GPHN: variants seen among roughly 807,000 people sequenced by gnomAD.
GPHN encodes gephyrin.
GPHN carries 17 observed loss-of-function variants against 95.5 expected under a neutral mutation model. That is an observed-to-expected ratio of 0.18 (90% CI 0.12 to 0.27). The LOEUF (loss-of-function observed/expected upper bound fraction) is 0.27, where lower values mean the gene tolerates loss of function less well. Among genes scored for constraint, GPHN ranks in the 10% least tolerant of loss-of-function variants. The pLI, the probability that GPHN is intolerant of heterozygous loss-of-function variation, is 1.00. For synonymous variants in GPHN, 320 were observed against 322.5 expected (o/e 0.99, Z 0.08); for missense variants, 660 against 978.1 (o/e 0.67, Z 4.34).
At chr14:66,834,568 C>A (rs56111235) in intron 4 of GPHN, among the ~76,000 whole-genome samples, 1 of 150,742 alleles carries the variant, frequency 6.6e-6, no homozygotes, top group African/African-American at 2.4e-5. Context: ...TATTGATTTG[C>A]GTATATTGAA....
chr14:66,561,055 C>T (rs1194617508), intron 1 of GPHN, among the ~76,000 whole-genome samples: 5 of 152,204 alleles, frequency 3.3e-5, no homozygotes, highest in Middle Eastern at 3.4e-3. Context: ...TATTGATTTG[C>T]ATATGTTGAA....
chr14:67,549,379 T>TCCTG, the GPHN span, among the ~76,000 whole-genome samples: 5 of 151,976 alleles, frequency 3.3e-5, no homozygotes, highest in African/African-American at 1.2e-4. Flanking sequence ...CAAGAGATTC[T>TCCTG]CCTGCCTCAG....
chr14:67,382,702 C>G, the GPHN span: 2 of 1,260,226 alleles, frequency 1.6e-6, no homozygotes, highest in Admixed American at 1.7e-5. Context: ...GATGGTCATT[C>G]AGGCCTTTGA....
At chr14:66,766,174 T>G (rs1380049954) in intron 2 of GPHN, among the ~76,000 whole-genome samples, 1 of 152,216 alleles carries the variant, frequency 6.6e-6, no homozygotes, top group Non-Finnish European at 1.5e-5. Flanking sequence ...CTTTCTGTCA[T>G]TAGCCAACTT....
At chr14:67,019,615 G>A (rs2073496175) in intron 9 of GPHN, among the ~76,000 whole-genome samples, 1 of 152,070 alleles carries the variant, frequency 6.6e-6, no homozygotes, top group African/African-American at 2.4e-5. Context: ...TTCTTAACAC[G>A]GGTTTTATTT....
chr14:66,741,930 T>C (rs6573719), intron 2 of GPHN, among the ~76,000 whole-genome samples: 47,282 of 152,098 alleles, frequency 0.31, 11,171 homozygotes, highest in African/African-American at 0.64. Flanking sequence ...TCCACCTTAC[T>C]GTCCTTTCTC....
intron 2 of GPHN, among the ~76,000 whole-genome samples, chr14:66,758,819 T>C (rs2058662328): frequency 6.6e-6 from 1 of 152,152 alleles, no homozygotes; most frequent in Non-Finnish European, 1.5e-5. Context: ...AGAATTTTAC[T>C]TTACCCATCC....
the GPHN span, among the ~76,000 whole-genome samples, chr14:67,524,051 G>A: frequency 2.0e-5 from 3 of 152,212 alleles, no homozygotes; most frequent in African/African-American, 7.2e-5. Flanking sequence ...AAAGGAACTG[G>A]CCGCTCAGAG....
At chr14:67,713,018 A>G in the GPHN span, among the ~76,000 whole-genome samples, 1 of 152,134 alleles carries the variant, frequency 6.6e-6, no homozygotes, top group African/African-American at 2.4e-5. Flanking sequence ...GATTTGATCA[A>G]GTTGGATAGA....
At chr14:67,010,566 A>AAG (rs971541757) in intron 9 of GPHN, among the ~76,000 whole-genome samples, 1 of 151,428 alleles carries the variant, frequency 6.6e-6, no homozygotes, top group Non-Finnish European at 1.5e-5. Context: ...AAAAAAAAAA[A>AAG]AAAGAAAGAA....
the GPHN span, among the ~76,000 whole-genome samples, chr14:67,394,031 T>C: frequency 3.3e-5 from 5 of 152,200 alleles, no homozygotes; most frequent in African/African-American, 1.2e-4. Flanking sequence ...TGTCAGCCTC[T>C]TTCTCCTGCC....
chr14:67,525,593 T>A, the GPHN span, among the ~76,000 whole-genome samples: 1 of 152,216 alleles, frequency 6.6e-6, no homozygotes, highest in Admixed American at 6.5e-5. Context: ...CAACATGCCA[T>A]GTCAGCGAAA....
intron 2 of GPHN, among the ~76,000 whole-genome samples, chr14:66,738,929 G>A (rs565169006): frequency 2.2e-4 from 34 of 152,058 alleles, no homozygotes; most frequent in African/African-American, 8.0e-4. Flanking sequence ...CTATTATTAT[G>A]GATATATATT....
the GPHN span, among the ~76,000 whole-genome samples, chr14:67,405,896 C>G: frequency 9.2e-5 from 14 of 152,188 alleles, no homozygotes; most frequent in South Asian, 6.2e-4. Flanking sequence ...GACCCTGAGC[C>G]AGTCTTGCAG....
chr14:67,597,660 T>C, the GPHN span, among the ~76,000 whole-genome samples: 2 of 151,942 alleles, frequency 1.3e-5, no homozygotes, highest in Non-Finnish European at 2.9e-5. Flanking sequence ...GGAATACAAT[T>C]CAGCCCTGAC....
the GPHN span, among the ~76,000 whole-genome samples, chr14:67,187,266 G>T: frequency 6.6e-6 from 1 of 152,028 alleles, no homozygotes; most frequent in African/African-American, 2.4e-5. Context: ...GCTAACCAAG[G>T]GTTCCTGCAA....
In GPHN at chr14:67,181,610, C is replaced by A; in HGVS notation, c.*673C>A. 5.1e-6 allele frequency: 2 copies of A among 395,226 alleles called. No homozygotes were observed. The highest frequency in any genetic ancestry group is 2.1e-5 in the South Asian group (1 of 46,748). The allele number at this position is 395,226 out of a possible 1,614,324, so 24.5% of individuals were successfully genotyped here. On this transcript the variant is annotated 3_prime_UTR_variant, in exon 23 of 23. Coordinates refer to ENST00000478722, the MANE Select transcript of GPHN (RefSeq NM_020806.5). The stretch of plus-strand genomic sequence containing the variant: ...CTTAAGTGCTGACAGCCTTTTTAAC[C>A]AATACATTTAAAATTGTACAGAACA...
intron 9 of GPHN, among the ~76,000 whole-genome samples, chr14:66,965,862 G>A (rs1459916700): frequency 7.0e-6 from 1 of 143,266 alleles, no homozygotes; most frequent in African/African-American, 2.9e-5. Context: ...TTTGGGAAGA[G>A]GGTAGAAGTT....
At chr14:66,558,500 A>G (rs1478468922) in intron 1 of GPHN, among the ~76,000 whole-genome samples, 1 of 152,146 alleles carries the variant, frequency 6.6e-6, no homozygotes, top group Non-Finnish European at 1.5e-5. Context: ...AATGATATTC[A>G]TCAAACCCCT....
Sources: allele counts gnomAD v4.1 joint callset (sites outside exome capture counted in the v4.1 genomes callset), GRCh38; gene constraint gnomAD v4.1.1; transcripts MANE v1.5; gene names NCBI Gene and HGNC (gene_info 2026-07-23, HGNC 2026-07-21).